HTR7: variants seen among roughly 807,000 people sequenced by gnomAD.
HTR7 encodes the protein 5-hydroxytryptamine receptor 7.
Under a neutral mutation model 34.0 loss-of-function variants are expected in HTR7, and 16 were observed. That is an observed-to-expected ratio of 0.47 (90% CI 0.32 to 0.71). HTR7 has a LOEUF of 0.71. Among genes scored for constraint, HTR7 ranks in the 30% least tolerant of loss-of-function variants. The pLI, the probability that HTR7 is intolerant of heterozygous loss-of-function variation, is 0.04. For synonymous variants in HTR7, 265 were observed against 260.2 expected (o/e 1.02, Z -0.18); for missense variants, 504 against 625.5 (o/e 0.81, Z 2.07).
At chr10:90,761,633 C>CATGT (rs150957330) in intron 1 of HTR7, among the ~76,000 whole-genome samples, 2 of 147,486 alleles carry the variant, frequency 1.4e-5, no homozygotes, top group East Asian at 2.0e-4. Context: ...TGTGTGTATG[C>CATGT]GTGTGTGTGT....
chr10:90,815,333 C>T (rs972961356), intron 1 of HTR7, among the ~76,000 whole-genome samples: 1 of 151,998 alleles, frequency 6.6e-6, no homozygotes, highest in Non-Finnish European at 1.5e-5. Flanking sequence ...CTCAGGCGAT[C>T]CACCTGCCTC....
intron 1 of HTR7, among the ~76,000 whole-genome samples, chr10:90,783,064 T>C (rs1275085564): frequency 6.6e-6 from 1 of 152,216 alleles, no homozygotes; most frequent in Admixed American, 6.5e-5. Context: ...AGGCCTGTAA[T>C]AAGGGTCTGT....
chr10:90,843,396 G>C (rs1182140724), intron 1 of HTR7, among the ~76,000 whole-genome samples: 1 of 152,164 alleles, frequency 6.6e-6, no homozygotes, highest in Admixed American at 6.5e-5. Flanking sequence ...GTGAGAATTA[G>C]GAAGAAAAAG....
intron 1 of HTR7, among the ~76,000 whole-genome samples, chr10:90,820,050 A>T (rs559042051): frequency 2.6e-5 from 4 of 152,136 alleles, no homozygotes; most frequent in South Asian, 2.1e-4. Context: ...AAATCTATTT[A>T]AAAAAAGAAA....
Position 90,794,750 on chromosome 10 carries a change from ACCTCAG to A in HTR7, c.540-45162_540-45157del, listed in dbSNP as rs1173719260. On this transcript the variant is annotated intron_variant, in intron 1 of 3. Coordinates refer to ENST00000336152, the MANE Select transcript of HTR7 (RefSeq NM_019859.4). ...ACTCCTGGGCTCAAGCAATCCTCCT[ACCTCAG>A]CCTCCCAAAGTTCTGAGAACAGGCA... Among the ~76,000 whole-genome samples, 7 of 152,080 alleles carry A rather than the reference ACCTCAG, an allele frequency of 4.6e-5. No individual in the cohort carries two copies. The East Asian group carries it at 9.7e-4, about 21-fold the overall frequency.
chr10:90,855,394 C>G (rs889059294), intron 1 of HTR7, among the ~76,000 whole-genome samples: 8 of 152,216 alleles, frequency 5.3e-5, no homozygotes, highest in African/African-American at 1.9e-4. Flanking sequence ...AGGAGAAACA[C>G]TGGCTGTCTT....
At chr10:90,821,897 T>C (rs2120013734) in intron 1 of HTR7, among the ~76,000 whole-genome samples, 1 of 38,826 alleles carries the variant, frequency 2.6e-5, no homozygotes, top group South Asian at 5.6e-4. Flanking sequence ...CATGCTTGAT[T>C]CCCTTTATTT....
rs549391962 is a variant in HTR7, at chr10:90,791,812, G to C, written c.540-42218C>G. Among the ~76,000 whole-genome samples the C allele has an allele frequency of 2.1e-3, 321 of 152,142 alleles. 1 individual carries two copies. Among genetic ancestry groups the C allele is most frequent in the Middle Eastern group, 0.01 (3 of 294 alleles). On this transcript the variant is annotated intron_variant, in intron 1 of 3. Transcript: ENST00000336152. ...TTTCTTAACAATTTCTCACAAACAT[G>C]AAAATTATTCCATTATTTGACAGGG...
At chr10:90,854,112 T>C (rs1846542856) in intron 1 of HTR7, among the ~76,000 whole-genome samples, 1 of 152,246 alleles carries the variant, frequency 6.6e-6, no homozygotes, top group Non-Finnish European at 1.5e-5. Context: ...ACGCCTGTAA[T>C]CCCAGCATTT....
At chr10:90,801,417 G>A (rs569711168) in intron 1 of HTR7, among the ~76,000 whole-genome samples, 1 of 152,142 alleles carries the variant, frequency 6.6e-6, no homozygotes, top group East Asian at 1.9e-4. Context: ...AACACCAGCT[G>A]GTTAAAAGAA....
At chr10:90,795,402 A>G (rs1845522768) in intron 1 of HTR7, among the ~76,000 whole-genome samples, 1 of 152,212 alleles carries the variant, frequency 6.6e-6, no homozygotes, top group Non-Finnish European at 1.5e-5. Flanking sequence ...TACCATGTCC[A>G]CCACCACTTT....
chr10:90,751,320 A>C (rs1844729590), intron 1 of HTR7, among the ~76,000 whole-genome samples: 1 of 152,166 alleles, frequency 6.6e-6, no homozygotes, highest in African/African-American at 2.4e-5. Context: ...AAGAGGGAAA[A>C]GGGAAGAGGG....
Position 90,827,249 on chromosome 10 carries a change from A to G in HTR7, c.539+29884T>C, listed in dbSNP as rs544198856. 2.6e-5 allele frequency among the ~76,000 whole-genome samples: 4 copies of G among 152,284 alleles called. No homozygotes were observed. In the South Asian group the frequency reaches 8.3e-4, roughly 32 times the overall value. ...TGTAAATGGACTAAACTCTCCAATGAAAAGACACAGAGTAGGCTGGGTATG... is the reference window on the plus strand; with the variant it reads ...TGTAAATGGACTAAACTCTCCAATGGAAAGACACAGAGTAGGCTGGGTATG... On this transcript the variant is annotated intron_variant, in intron 1 of 3. Coordinates refer to ENST00000336152, the MANE Select transcript of HTR7 (RefSeq NM_019859.4).
chr10:90,846,151 A>T (rs1361770314), intron 1 of HTR7, among the ~76,000 whole-genome samples: 1 of 152,202 alleles, frequency 6.6e-6, no homozygotes, highest in African/African-American at 2.4e-5. Context: ...TGAGGATGGG[A>T]CCTAAGTCTA....
At chr10:90,757,044 C>T (rs1014543467) in intron 1 of HTR7, among the ~76,000 whole-genome samples, 20 of 151,532 alleles carry the variant, frequency 1.3e-4, no homozygotes, top group Admixed American at 8.5e-4. Flanking sequence ...AAAAAGGGGG[C>T]GGGGATGGCA....
chr10:90,845,341 T>C lies in HTR7; in HGVS notation c.539+11792A>G, dbSNP rs117929627. Among the ~76,000 whole-genome samples, 44 of 152,302 alleles carry C rather than the reference T, an allele frequency of 2.9e-4. No individual in the cohort carries two copies. The East Asian group carries it at 4.8e-3, about 17-fold the overall frequency. Reference sequence around the variant, plus strand: ...TGATAAAGAGCCTTGAATGCTATCCTAACAATATCCTCCTCATATAGCAGG... The same window carrying C: ...TGATAAAGAGCCTTGAATGCTATCCCAACAATATCCTCCTCATATAGCAGG... On this transcript the variant is annotated intron_variant, in intron 1 of 3. Coordinates refer to ENST00000336152, the MANE Select transcript of HTR7 (RefSeq NM_019859.4).
chr10:90,854,222 G>A (rs1007966759), intron 1 of HTR7, among the ~76,000 whole-genome samples: 3 of 152,136 alleles, frequency 2.0e-5, no homozygotes, highest in Admixed American at 6.5e-5. Flanking sequence ...GTGTGGTGGC[G>A]TGCACCTGTA....
chr10:90,817,208 G>C (rs886359149), intron 1 of HTR7, among the ~76,000 whole-genome samples: 1 of 152,132 alleles, frequency 6.6e-6, no homozygotes, highest in Non-Finnish European at 1.5e-5. Flanking sequence ...CTTGGCCAAG[G>C]AAACCCCAGA....
intron 1 of HTR7, among the ~76,000 whole-genome samples, chr10:90,787,290 C>A (rs1022816760): frequency 2.0e-5 from 3 of 152,096 alleles, no homozygotes; most frequent in African/African-American, 7.2e-5. Context: ...GAGTTCAAGA[C>A]CATCCTGGGC....
Sources: allele counts gnomAD v4.1 joint callset (sites outside exome capture counted in the v4.1 genomes callset), GRCh38; gene constraint gnomAD v4.1.1; transcripts MANE v1.5; gene names NCBI Gene and HGNC (gene_info 2026-07-23, HGNC 2026-07-21).